The following PPARGC1A variants were observed in gnomAD, a reference collection of about 807,000 sequenced individuals.
PPARGC1A encodes the protein PPARG coactivator 1 alpha.
In PPARGC1A, 25 loss-of-function variants were observed where a neutral mutation model predicts 88.7. The observed-to-expected ratio is 0.28, with a 90% CI of 0.21 to 0.39. PPARGC1A has a LOEUF of 0.39. PPARGC1A is among the 10% of genes least tolerant of loss of function. PPARGC1A has a pLI of 1.00. For synonymous variants in PPARGC1A, 363 were observed against 355.6 expected (o/e 1.02, Z -0.24); for missense variants, 880 against 968.7 (o/e 0.91, Z 1.22).
the PPARGC1A span, among the ~76,000 whole-genome samples, chr4:24,339,072 CCT>C: frequency 2.0e-5 from 3 of 151,890 alleles, no homozygotes; most frequent in Admixed American, 2.0e-4. Flanking sequence ...GTCCTGGTAA[CCT>C]CCATTCTATT....
the PPARGC1A span, among the ~76,000 whole-genome samples, chr4:24,465,619 G>A: frequency 2.0e-5 from 3 of 152,106 alleles, no homozygotes; most frequent in African/African-American, 4.8e-5. Context: ...TTACATTTCC[G>A]CTAGGGCTAC....
the PPARGC1A span, among the ~76,000 whole-genome samples, chr4:23,953,385 TC>T: frequency 5.3e-5 from 8 of 152,126 alleles, no homozygotes; most frequent in Non-Finnish European, 7.4e-5. Context: ...TGAATAAATG[TC>T]TAGTAGAAGG....
At chr4:24,030,423 T>C in the PPARGC1A span, among the ~76,000 whole-genome samples, 12 of 152,234 alleles carry the variant, frequency 7.9e-5, no homozygotes, top group African/African-American at 2.9e-4. Context: ...GTAAATAAGT[T>C]AGATTTGAGA....
chr4:24,155,875 A>G, the PPARGC1A span, among the ~76,000 whole-genome samples: 1 of 152,224 alleles, frequency 6.6e-6, no homozygotes, highest in East Asian at 1.9e-4. Flanking sequence ...AAGATCCACA[A>G]GAGATCCAAG....
At chr4:23,928,066 G>T in the PPARGC1A span, among the ~76,000 whole-genome samples, 2 of 152,092 alleles carry the variant, frequency 1.3e-5, no homozygotes, top group African/African-American at 2.4e-5. Flanking sequence ...TTTACAACTG[G>T]TACTGCCATG....
At chr4:23,993,528 T>G in the PPARGC1A span, among the ~76,000 whole-genome samples, 1 of 152,166 alleles carries the variant, frequency 6.6e-6, no homozygotes, top group Non-Finnish European at 1.5e-5. Context: ...CTCTGCTTGT[T>G]GTAGGTCCTC....
the PPARGC1A span, among the ~76,000 whole-genome samples, chr4:24,462,386 C>T: frequency 6.6e-6 from 1 of 151,892 alleles, no homozygotes; most frequent in South Asian, 2.1e-4. Context: ...TGTGAGCCAC[C>T]GCGCCTGGCC....
chr4:24,026,616 C>A, the PPARGC1A span, among the ~76,000 whole-genome samples: 1 of 151,996 alleles, frequency 6.6e-6, no homozygotes, highest in Non-Finnish European at 1.5e-5. Flanking sequence ...TCACCACCAA[C>A]AGCACAGACA....
chr4:24,229,152 C>CTTTGTTTTTTTTTTTTTTTTTTTTTTT, the PPARGC1A span, among the ~76,000 whole-genome samples: 1 of 60,894 alleles, frequency 1.6e-5, no homozygotes, highest in Non-Finnish European at 3.1e-5. Context: ...GTATCTGGAC[C>CTTTGTTTTTTTTTTTTTTTTTTTTTTT]TTTTTTTTTT....
At chr4:24,405,043 G>A in the PPARGC1A span, among the ~76,000 whole-genome samples, 1 of 152,074 alleles carries the variant, frequency 6.6e-6, no homozygotes, top group East Asian at 1.9e-4. Flanking sequence ...AATGATGCCT[G>A]CCTAATTAAT....
chr4:23,798,481 A>C (rs1718042028), intron 12 of PPARGC1A, among the ~76,000 whole-genome samples: 1 of 152,210 alleles, frequency 6.6e-6, no homozygotes, highest in Non-Finnish European at 1.5e-5. Flanking sequence ...GGAACGATTT[A>C]TCAATGAATG....
At chr4:23,889,849 G>A in intron 1 of PPARGC1A, 55 bp downstream of exon 1, 1 of 1,593,140 alleles carries the variant, frequency 6.3e-7, no homozygotes, top group South Asian at 1.1e-5. Flanking sequence ...AGGAATAATA[G>A]CATCTGAGGG....
chr4:23,958,139 G>C, the PPARGC1A span, among the ~76,000 whole-genome samples: 5 of 152,208 alleles, frequency 3.3e-5, no homozygotes, highest in South Asian at 2.1e-4. Context: ...TATGTAATAA[G>C]TGCAAATAAC....
chr4:23,883,691 T>C (rs1232431990), intron 2 of PPARGC1A: 2 of 152,250 alleles, frequency 1.3e-5, no homozygotes, highest in East Asian at 1.9e-4. Context: ...TTGGCCATTA[T>C]TGTCATTACT....
chr4:24,299,814 T>A, the PPARGC1A span, among the ~76,000 whole-genome samples: 69 of 152,264 alleles, frequency 4.5e-4, no homozygotes, highest in East Asian at 3.1e-3. Flanking sequence ...GAAATATGAA[T>A]AATGTTACCA....
chr4:23,913,147 ACTCT>A, the PPARGC1A span, among the ~76,000 whole-genome samples: 6 of 143,328 alleles, frequency 4.2e-5, no homozygotes, highest in South Asian at 4.4e-4. Flanking sequence ...ACACACATAC[ACTCT>A]CTCTCTCTCA....
At chr4:24,067,073 A>T in the PPARGC1A span, among the ~76,000 whole-genome samples, 1 of 151,904 alleles carries the variant, frequency 6.6e-6, no homozygotes, top group Non-Finnish European at 1.5e-5. Context: ...CTATACGTTC[A>T]TTAGGCAGAA....
the PPARGC1A span, among the ~76,000 whole-genome samples, chr4:24,152,820 A>T: frequency 6.6e-6 from 1 of 152,306 alleles, no homozygotes; most frequent in South Asian, 2.1e-4. Flanking sequence ...CTTCTACCCC[A>T]ACTCTAGGTC....
chr4:23,799,348 A>G (rs1487967239), intron 12 of PPARGC1A, among the ~76,000 whole-genome samples: 2 of 152,244 alleles, frequency 1.3e-5, no homozygotes, highest in Non-Finnish European at 2.9e-5. Flanking sequence ...TTTATTGAGC[A>G]CCTATGTTAT....
Sources: gnomAD v4.1 joint callset for allele counts (sites outside exome capture counted in the v4.1 genomes callset) on GRCh38, gnomAD v4.1.1 for gene constraint, MANE v1.5 for transcripts, NCBI Gene and HGNC (gene_info 2026-07-23, HGNC 2026-07-21) for gene names.